DCAF6: variants seen among roughly 807,000 people sequenced by gnomAD.
DCAF6 encodes the protein DDB1- and CUL4-associated factor 6.
In DCAF6, 54 loss-of-function variants were observed where a neutral mutation model predicts 125.1. The observed-to-expected ratio is 0.43, with a 90% CI of 0.35 to 0.54. The LOEUF (loss-of-function observed/expected upper bound fraction) is 0.54. DCAF6 is among the 20% of genes least tolerant of loss of function. The pLI, the probability that DCAF6 is intolerant of heterozygous loss-of-function variation, is 0.01. For missense variants in DCAF6, 934 were observed against 1,161.7 expected (o/e 0.80, Z 2.85); for synonymous variants, 371 against 390.4 (o/e 0.95, Z 0.58).
At chr1:168,073,848 A>G (rs1156508287) in intron 21 of DCAF6, among the ~76,000 whole-genome samples, 3 of 151,518 alleles carry the variant, frequency 2.0e-5, no homozygotes, top group Non-Finnish European at 4.4e-5. Context: ...TTTTTATACT[A>G]ATATCCCTTA....
At chr1:167,958,927 G>A (rs993456695) in intron 2 of DCAF6, among the ~76,000 whole-genome samples, 1 of 152,072 alleles carries the variant, frequency 6.6e-6, no homozygotes, top group African/African-American at 2.4e-5. Context: ...GCTCACTCTT[G>A]GTTTCAGGCA....
chr1:168,051,206 G>A (rs1165725130), intron 17 of DCAF6, among the ~76,000 whole-genome samples: 2 of 152,198 alleles, frequency 1.3e-5, no homozygotes, highest in African/African-American at 4.8e-5. Context: ...CTGAAATGAT[G>A]TACTTTAAGT....
chr1:167,901,692 C>G, the DCAF6 span: 1 of 1,614,158 alleles, frequency 6.2e-7, no homozygotes, highest in Non-Finnish European at 8.5e-7. Context: ...AGGCCTTCTT[C>G]CCACTCCTGG....
At chr1:168,042,985 T>G in intron 13 of DCAF6, 40 bp from the exon 14 acceptor site, 1 of 1,442,526 alleles carries the variant, frequency 6.9e-7, no homozygotes, top group Admixed American at 1.8e-5. Flanking sequence ...TCATATTGAT[T>G]AACTTCTTGG....
intron 2 of DCAF6, among the ~76,000 whole-genome samples, chr1:167,958,051 T>C (rs1325071154): frequency 1.3e-5 from 2 of 152,156 alleles, no homozygotes; most frequent in Non-Finnish European, 2.9e-5. Context: ...GGGACTCTTA[T>C]CAGATATATG....
upstream of DCAF6, among the ~76,000 whole-genome samples, chr1:167,933,169 GTTT>G (rs112730724): frequency 1.4e-5 from 2 of 139,226 alleles, no homozygotes; most frequent in Non-Finnish European, 1.6e-5. Flanking sequence ...AAACACATTA[GTTT>G]TTTTTTTTTT....
intron 17 of DCAF6, among the ~76,000 whole-genome samples, chr1:168,061,460 G>A (rs2101940339): frequency 6.6e-6 from 1 of 152,062 alleles, no homozygotes; most frequent in East Asian, 1.9e-4. Context: ...TTTATTCTAT[G>A]AATTATTCTT....
intron 4 of DCAF6, 41 bp downstream of exon 4, chr1:167,975,056 GT>G: frequency 7.5e-7 from 1 of 1,337,564 alleles, no homozygotes; most frequent in African/African-American, 1.5e-5. Flanking sequence ...ATGTAAGTAT[GT>G]ATATTTTTGA....
intron 10 of DCAF6, among the ~76,000 whole-genome samples, chr1:168,006,607 T>C (rs1183608117): frequency 6.6e-6 from 1 of 152,206 alleles, no homozygotes; most frequent in Admixed American, 6.5e-5. Context: ...CCAATCTCTT[T>C]TGCATTTGCC....
At chr1:168,056,708 C>T (rs1690903038) in intron 17 of DCAF6, among the ~76,000 whole-genome samples, 1 of 152,200 alleles carries the variant, frequency 6.6e-6, no homozygotes, top group African/African-American at 2.4e-5. Context: ...AGACTTGCAG[C>T]AAGAAACCTC....
rs1684892910 is a variant in DCAF6, at chr1:168,015,824, G to GC, written c.1423dup (p.Gln475ProfsTer6). The GC allele has an allele frequency of 6.5e-7, 1 of 1,532,844 alleles. No individual in the cohort carries two copies. Among genetic ancestry groups the GC allele is most frequent in the African/African-American group, 1.4e-5 (1 of 72,144 alleles). The allele number at this position is 1,532,844 out of a possible 1,614,324, so 95.0% of individuals were successfully genotyped here. ...AGATAGCTTTGCTTCGTAAGCGCCT[G>GC]CAACAACTGAGGCTTAAGAAGGCTG... On this transcript the variant is annotated frameshift_variant, in exon 11 of 22. Coordinates refer to ENST00000367840, the MANE Select transcript of DCAF6 (RefSeq NM_001198956.2). LOFTEE classifies it high-confidence loss of function.
chr1:168,019,993 GAC>G (rs1311512598), intron 11 of DCAF6: 1 of 152,884 alleles, frequency 6.5e-6, no homozygotes, highest in African/African-American at 2.4e-5. Context: ...TACCTTGAAT[GAC>G]AGAGTCCAAA....
chr1:167,949,807 G>C (rs1429066719), intron 1 of DCAF6, among the ~76,000 whole-genome samples: 2 of 152,080 alleles, frequency 1.3e-5, no homozygotes, highest in Non-Finnish European at 2.9e-5. Flanking sequence ...ATTTGAGGAG[G>C]CTCAGTTTTA....
At chr1:167,972,016 C>T (rs570407388) in intron 3 of DCAF6, among the ~76,000 whole-genome samples, 11 of 152,234 alleles carry the variant, frequency 7.2e-5, no homozygotes, top group South Asian at 4.2e-4. Context: ...CCACCATACC[C>T]GGCTAATTTT....
At chr1:168,072,325 A>AAAAAT (rs1693206428) in intron 21 of DCAF6, among the ~76,000 whole-genome samples, 1 of 100,794 alleles carries the variant, frequency 9.9e-6, no homozygotes, top group Non-Finnish European at 2.2e-5. Flanking sequence ...AAAAAAAAAA[A>AAAAAT]GAAAAGAAAA....
At chr1:167,912,423 C>T in the DCAF6 span, among the ~76,000 whole-genome samples, 1 of 152,198 alleles carries the variant, frequency 6.6e-6, no homozygotes. Flanking sequence ...CCACATACTC[C>T]CACGTGTGTA....
intron 17 of DCAF6, among the ~76,000 whole-genome samples, chr1:168,054,381 C>G (rs1342617914): frequency 1.3e-5 from 2 of 152,082 alleles, no homozygotes; most frequent in Non-Finnish European, 2.9e-5. Context: ...AGCCACCAGT[C>G]CCCACTGACC....
At chr1:167,893,781 C>A in the DCAF6 span, 13 of 638,744 alleles carry the variant, frequency 2.0e-5, no homozygotes, top group East Asian at 6.9e-5. Context: ...TTTTTTTTTT[C>A]TTAAATCTTA....
At chr1:167,916,273 C>T in the DCAF6 span, among the ~76,000 whole-genome samples, 1 of 152,228 alleles carries the variant, frequency 6.6e-6, no homozygotes, top group African/African-American at 2.4e-5. Flanking sequence ...AAGGCGCGAT[C>T]TCAGCTCACT....
Sources: gnomAD v4.1 joint callset for allele counts (sites outside exome capture counted in the v4.1 genomes callset) on GRCh38, gnomAD v4.1.1 for gene constraint, MANE v1.5 for transcripts, NCBI Gene and HGNC (gene_info 2026-07-23, HGNC 2026-07-21) for gene names.